Variants in CNKSR2 observed in about 807,000 individuals in gnomAD.
The protein encoded by CNKSR2 is connector enhancer of kinase suppressor of Ras 2.
CNKSR2 carries 14 observed loss-of-function variants against 84.4 expected under a neutral mutation model. The observed-to-expected ratio is 0.17, with a 90% CI of 0.11 to 0.26. The LOEUF (loss-of-function observed/expected upper bound fraction) is 0.26, where lower values mean the gene tolerates loss of function less well. Ranked by LOEUF, CNKSR2 falls within the 10% of genes least tolerant of loss-of-function variation. The pLI, the probability that CNKSR2 is intolerant of heterozygous loss-of-function variation, is 1.00. For missense variants in CNKSR2, 485 were observed against 771.2 expected, an observed-to-expected ratio of 0.63 and a Z score of 4.40; for synonymous variants, 275 against 277.9, an observed-to-expected ratio of 0.99 and a Z score of 0.10.
At position 21,591,022 on chromosome X, in the gene CNKSR2, G is replaced by T; in HGVS notation, c.1658G>T (p.Gly553Val). The change falls in exon 15 of 22, where the codon GGT becomes GTT. Residue 553 changes from glycine (G) to valine (V), a missense_variant and splice_region_variant. Gly to Val is a moderately radical substitution (Grantham distance 109). Around this residue, in one of 5 missense-constraint regions of CNKSR2, gnomAD observed 30 missense variants for 78.9 expected, o/e 0.38. Coordinates refer to ENST00000379510, the MANE Select transcript of CNKSR2 (RefSeq NM_014927.5). Reference sequence around the variant, plus strand: ...TTGAAAGAGCATTTCCACCCTTTAGGTCCTATAGCAGGCAAGAGCAAAAGA... The same window carrying T: ...TTGAAAGAGCATTTCCACCCTTTAGTTCCTATAGCAGGCAAGAGCAAAAGA... Reference protein sequence around the residue: ...LQHKSKKKNKGPIAGKSKRRI... With the variant: ...LQHKSKKKNKVPIAGKSKRRI... 1.7e-6 allele frequency: 2 copies of T among 1,203,957 alleles called. No individual in the cohort carries two copies. Among genetic ancestry groups the T allele is most frequent in the Admixed American group, 2.2e-5 (1 of 45,469 alleles).
At chrX:21,492,263 C>T (rs1266788675) in intron 6 of CNKSR2, 1 of 111,289 alleles carries the variant, frequency 9.0e-6, no homozygotes, top group East Asian at 2.8e-4. Context: ...TGGACAGGTC[C>T]TTTATTGTTT....
At chrX:21,582,727 A>G (rs905362732) in intron 13 of CNKSR2, among the ~76,000 whole-genome samples, 2 of 112,204 alleles carry the variant, frequency 1.8e-5, no homozygotes, top group African/African-American at 6.5e-5. Context: ...CTGACACATA[A>G]TAAGCCCTCA....
chrX:21,635,406 G>GTATATATACACATATATA (rs1363631443), intron 20 of CNKSR2, among the ~76,000 whole-genome samples: 20 of 98,513 alleles, frequency 2.0e-4, no homozygotes, highest in African/African-American at 7.5e-4. Flanking sequence ...GTGTGTGTGT[G>GTATATATACACATATATA]TGTATATATA....
At chrX:21,519,572 C>T (rs1029651702) in intron 9 of CNKSR2, among the ~76,000 whole-genome samples, 1 of 110,650 alleles carries the variant, frequency 9.0e-6, no homozygotes, top group African/African-American at 3.3e-5. Context: ...CCAAAATGCC[C>T]ATCAGCTCAT....
intron 5 of CNKSR2, among the ~76,000 whole-genome samples, chrX:21,480,556 G>A (rs1292451390): frequency 8.9e-6 from 1 of 111,784 alleles, no homozygotes; most frequent in Non-Finnish European, 1.9e-5. Context: ...GCTTGTCTCT[G>A]TTTCCTGCCT....
chrX:21,591,556 T>G (rs1289064874), intron 15 of CNKSR2: 1 of 114,568 alleles, frequency 8.7e-6, no homozygotes, highest in Non-Finnish European at 1.8e-5. Flanking sequence ...CACTTTTTTC[T>G]GGTTTTTTTT....
chrX:21,476,707 T>G (rs2091263861), intron 5 of CNKSR2, among the ~76,000 whole-genome samples: 1 of 111,472 alleles, frequency 9.0e-6, no homozygotes. Flanking sequence ...AATTTGCCAT[T>G]AAGTATAATG....
chrX:21,562,590 G>A (rs775457417), intron 12 of CNKSR2, among the ~76,000 whole-genome samples: 1 of 111,155 alleles, frequency 9.0e-6, no homozygotes, highest in East Asian at 2.8e-4. Context: ...AATCTCATTT[G>A]TTCTATAGAA....
At chrX:21,386,946 AT>A (rs1221297506) in intron 1 of CNKSR2, among the ~76,000 whole-genome samples, 1 of 111,963 alleles carries the variant, frequency 8.9e-6, no homozygotes, top group Non-Finnish European at 1.9e-5. Flanking sequence ...ATTAAAATTA[AT>A]TTTGTTTGGG....
chrX:21,567,222 A>G (rs2092246505), intron 13 of CNKSR2, among the ~76,000 whole-genome samples: 1 of 111,653 alleles, frequency 9.0e-6, no homozygotes, highest in Admixed American at 9.5e-5. Context: ...GGGATTTTTA[A>G]TTATATATTT....
chrX:21,414,855 C>T (rs2090395258), intron 1 of CNKSR2, among the ~76,000 whole-genome samples: 1 of 111,292 alleles, frequency 9.0e-6, no homozygotes, highest in Non-Finnish European at 1.9e-5. Context: ...AAAATGAGTG[C>T]ACTGTGGGTG....
intron 4 of CNKSR2, among the ~76,000 whole-genome samples, chrX:21,467,886 CT>C (rs1179107234): frequency 2.7e-5 from 3 of 110,786 alleles, no homozygotes; most frequent in Non-Finnish European, 5.7e-5. Context: ...TAACCCACAG[CT>C]GGTAGAAGTT....
In CNKSR2 at chrX:21,609,324, T is replaced by C. The variant is rs1456635075; in HGVS notation, c.2399T>C (p.Ile800Thr). The C allele has an allele frequency of 8.3e-7, 1 of 1,211,232 alleles. No homozygotes were observed. The highest frequency in any genetic ancestry group is 1.1e-6 in the Non-Finnish European group (1 of 895,345). The change falls in exon 20 of 22, where the codon ATC becomes ACC. Residue 800 changes from isoleucine (I) to threonine (T), a missense_variant. Ile to Thr is a moderately conservative substitution (Grantham distance 89). This residue lies in a region of CNKSR2 where 210 missense variants were observed against 291.5 expected (regional missense o/e 0.72). Coordinates refer to ENST00000379510, the MANE Select transcript of CNKSR2 (RefSeq NM_014927.5). The part of the protein sequence containing the change: ...EDSVFSDSAA[I>T]SPEHRRQSTL... ...TCTGTCTTCTCTGACTCCGCGGCCATCTCCCCAGAGCACAGGCGGCAGTCT... is the reference window on the plus strand; with the variant it reads ...TCTGTCTTCTCTGACTCCGCGGCCACCTCCCCAGAGCACAGGCGGCAGTCT...
At chrX:21,531,730 C>T (rs1162503006) in intron 10 of CNKSR2, 126 bp from the exon 11 acceptor site, 1 of 403,347 alleles carries the variant, frequency 2.5e-6, no homozygotes, top group Non-Finnish European at 4.2e-6. Flanking sequence ...CTGTAAATCT[C>T]AAAGAAAGTT....
At chrX:21,566,716 G>A (rs998555589) in intron 13 of CNKSR2, among the ~76,000 whole-genome samples, 2 of 110,977 alleles carry the variant, frequency 1.8e-5, no homozygotes, top group African/African-American at 6.5e-5. Context: ...CCCCTTAAAC[G>A]GCAAAGTAAA....
At chrX:21,434,662 T>C (rs1357388061) in intron 3 of CNKSR2, among the ~76,000 whole-genome samples, 4 of 111,668 alleles carry the variant, frequency 3.6e-5, no homozygotes, top group Non-Finnish European at 7.6e-5. Context: ...GTTTTCATTT[T>C]TAAACAGCTA....
chrX:21,531,963 G>A lies in CNKSR2; in HGVS notation c.1199G>A (p.Arg400Gln), dbSNP rs770547746. 14 of 1,197,049 alleles carry A rather than the reference G, an allele frequency of 1.2e-5. No individual in the cohort carries two copies. Among genetic ancestry groups the A allele is most frequent in the South Asian group, 5.3e-5 (3 of 56,478 alleles). ...AATTCATTTCTGGATCAGGAATATC[G>A]AAAGAGATTTAATATTGTCGAAGAA... ...SPNSFLDQEY[R>Q]KRFNIVEEDT... The change falls in exon 11 of 22, where the codon CGA becomes CAA. Residue 400 changes from arginine to glutamine, a missense_variant. By Grantham distance (43) the Arg-to-Gln change is conservative. Transcript: ENST00000379510.
chrX:21,602,503 G>T (rs1162881985), intron 18 of CNKSR2, among the ~76,000 whole-genome samples: 1 of 111,502 alleles, frequency 9.0e-6, no homozygotes, highest in Non-Finnish European at 1.9e-5. Flanking sequence ...AGTTTTTAAA[G>T]ATCTAAAGAA....
intron 10 of CNKSR2, 147 bp downstream of exon 10, chrX:21,527,147 T>C: frequency 2.5e-6 from 1 of 394,008 alleles, no homozygotes; most frequent in South Asian, 7.0e-5. Flanking sequence ...TCATTCCCAT[T>C]ATAGAGCATG....
Sources: gnomAD v4.1 joint callset for allele counts (sites outside exome capture counted in the v4.1 genomes callset) on GRCh38, gnomAD v4.1.1 for gene constraint, gnomAD v4.1.1 regional missense constraint, MANE v1.5 for transcripts, NCBI Gene and HGNC (gene_info 2026-07-23, HGNC 2026-07-21) for gene names.